TRAPPC12: variants seen among roughly 807,000 people sequenced by gnomAD.
TRAPPC12 encodes the protein TPR repeat protein 15.
Under a neutral mutation model 69.2 loss-of-function variants are expected in TRAPPC12, and 61 were observed. The ratio of observed to expected loss-of-function variants is 0.88; its 90% CI spans 0.72 to 1.09. TRAPPC12 has a LOEUF of 1.09. Among genes scored for constraint, TRAPPC12 ranks in the 50% least tolerant of loss-of-function variants. The pLI is 0.00. For synonymous variants in TRAPPC12, 469 were observed against 438.9 expected, an observed-to-expected ratio of 1.07 and a Z score of -0.86; for missense variants, 1,101 against 1,016.4, an observed-to-expected ratio of 1.08 and a Z score of -1.13.
At chr2:3,475,966 G>A (rs7591761) in intron 9 of TRAPPC12, among the ~76,000 whole-genome samples, 20,497 of 152,186 alleles carry the variant, frequency 0.13, 1,770 homozygotes, top group African/African-American at 0.25. Context: ...TGTCTCACAC[G>A]GTCCTGTTAG....
intron 9 of TRAPPC12, among the ~76,000 whole-genome samples, chr2:3,469,908 A>G (rs568636921): frequency 6.6e-6 from 1 of 152,362 alleles, no homozygotes; most frequent in Admixed American, 6.5e-5. Flanking sequence ...CGCGCGTGGA[A>G]TAAGATTGAT....
At chr2:3,450,487 C>G (rs1180214247) in intron 6 of TRAPPC12, among the ~76,000 whole-genome samples, 2 of 152,336 alleles carry the variant, frequency 1.3e-5, no homozygotes, top group African/African-American at 4.8e-5. Context: ...ATGACCAGCC[C>G]TCCAGCCTGT....
intron 6 of TRAPPC12, among the ~76,000 whole-genome samples, chr2:3,451,722 C>T (rs1301353286): frequency 1.3e-5 from 2 of 152,110 alleles, no homozygotes; most frequent in Non-Finnish European, 2.9e-5. Flanking sequence ...TAGGGTCTCA[C>T]TCTGTTGCCC....
intron 1 of TRAPPC12, among the ~76,000 whole-genome samples, chr2:3,385,073 A>T (rs929630090): frequency 2.0e-5 from 3 of 152,184 alleles, no homozygotes; most frequent in African/African-American, 7.2e-5. Flanking sequence ...TTCTCACAAA[A>T]TCTTATGTAT....
chr2:3,399,343 C>T (rs1010789447), intron 2 of TRAPPC12, among the ~76,000 whole-genome samples: 13 of 152,176 alleles, frequency 8.5e-5, no homozygotes, highest in African/African-American at 2.7e-4. Flanking sequence ...TTGTCTGAGA[C>T]GAGTTGCATT....
Position 3,424,439 on chromosome 2 carries a change from C to T in TRAPPC12, c.1279-86C>T, listed in dbSNP as rs550476565. The T allele has an allele frequency of 4.3e-4, 506 of 1,184,110 alleles. 1 individual carries two copies. The highest frequency in any genetic ancestry group is 1.4e-3 in the Admixed American group (60 of 41,618). The allele number at this position is 1,184,110 out of a possible 1,614,324, so 73.4% of individuals were successfully genotyped here. On this transcript the variant is annotated intron_variant, in intron 4 of 11. Coordinates refer to ENST00000324266, the MANE Select transcript of TRAPPC12 (RefSeq NM_016030.6). ...CTTATTTTAATATATGAGAAATTAACCTCTAACACCAACTCATAAGGAATA... is the reference window on the plus strand; with the variant it reads ...CTTATTTTAATATATGAGAAATTAATCTCTAACACCAACTCATAAGGAATA...
At chr2:3,444,434 G>A (rs895198618) in intron 6 of TRAPPC12, among the ~76,000 whole-genome samples, 10 of 152,240 alleles carry the variant, frequency 6.6e-5, no homozygotes, top group Non-Finnish European at 1.2e-4. Flanking sequence ...AAAGTGGCAC[G>A]TTATTACACT....
At chr2:3,425,128 G>C (rs1409473914) in intron 5 of TRAPPC12, among the ~76,000 whole-genome samples, 1 of 152,216 alleles carries the variant, frequency 6.6e-6, no homozygotes, top group African/African-American at 2.4e-5. Flanking sequence ...TTTGGGTCAC[G>C]GTCACGACCA....
chr2:3,464,916 G>A (rs1665722476), intron 8 of TRAPPC12, among the ~76,000 whole-genome samples: 2 of 152,268 alleles, frequency 1.3e-5, no homozygotes, highest in African/African-American at 4.8e-5. Flanking sequence ...GCAGGGCAGA[G>A]CGATGAGGAA....
chr2:3,404,062 G>T (rs1365107477), intron 3 of TRAPPC12, among the ~76,000 whole-genome samples: 1 of 152,112 alleles, frequency 6.6e-6, no homozygotes, highest in African/African-American at 2.4e-5. Flanking sequence ...GCTTTCCTGG[G>T]TTCAGTATGG....
chr2:3,401,178 AG>A (rs1409457468), intron 2 of TRAPPC12, among the ~76,000 whole-genome samples: 1 of 152,198 alleles, frequency 6.6e-6, no homozygotes, highest in Non-Finnish European at 1.5e-5. Flanking sequence ...CTGCTGTGAA[AG>A]GGGGTCTCAG....
At position 3,465,708 on chromosome 2, in the gene TRAPPC12, G is replaced by T. The variant is rs200542107; in HGVS notation, c.1776+13G>T. The T allele has an allele frequency of 1.3e-6, 2 of 1,596,420 alleles. No individual in the cohort carries two copies. Among genetic ancestry groups the T allele is most frequent in the Non-Finnish European group, 8.6e-7 (1 of 1,163,980 alleles). On this transcript the variant is annotated intron_variant, in intron 9 of 11. Transcript: ENST00000324266. ...GATTTCCCTGCAGGTACCTGTGCAC[G>T]GTCAGACATGAGCCAGAAAGGCCTT... is the stretch of plus-strand genomic sequence containing the variant.
chr2:3,446,885 C>A (rs1664538628), intron 6 of TRAPPC12, among the ~76,000 whole-genome samples: 1 of 152,192 alleles, frequency 6.6e-6, no homozygotes, highest in Admixed American at 6.5e-5. Flanking sequence ...CAGCCATCAC[C>A]AATACATCAT....
In TRAPPC12 at chr2:3,388,527, G is replaced by A. The variant is rs956986904; in HGVS notation, c.904G>A (p.Glu302Lys). 1.9e-6 allele frequency: 3 copies of A among 1,613,126 alleles called. No individual in the cohort carries two copies. Among genetic ancestry groups the A allele is most frequent in the East Asian group, 2.2e-5 (1 of 44,864 alleles). The change falls in exon 2 of 12, where the codon GAG (glutamate) becomes AAG (lysine). Residue 302 changes from glutamate to lysine, a missense_variant. Physicochemically the swap from Glu to Lys is moderately conservative, Grantham distance 56. Coordinates refer to ENST00000324266, the MANE Select transcript of TRAPPC12 (RefSeq NM_016030.6). ...CTTTGCCACCGCCCTGAGCATGAGC[G>A]AGATGGACCGGAGGAACGACGCCTG... ...DPFATALSMS[E>K]MDRRNDAWLP...
intron 5 of TRAPPC12, among the ~76,000 whole-genome samples, chr2:3,441,452 T>C (rs1664192930): frequency 6.6e-6 from 1 of 152,056 alleles, no homozygotes. Flanking sequence ...TCACTTCTAG[T>C]ACTAGTTGTT....
chr2:3,421,195 A>G (rs1662762637), intron 3 of TRAPPC12, among the ~76,000 whole-genome samples: 1 of 152,180 alleles, frequency 6.6e-6, no homozygotes, highest in Non-Finnish European at 1.5e-5. Context: ...TTTCCCATTC[A>G]TTTGCCTAAT....
In TRAPPC12 at chr2:3,388,240, T is replaced by C. The variant is rs749250005; in HGVS notation, c.617T>C (p.Leu206Pro). 11 of 1,608,658 alleles carry C rather than the reference T, an allele frequency of 6.8e-6. No homozygotes were observed. Among genetic ancestry groups the C allele is most frequent in the Non-Finnish European group, 4.2e-6 (5 of 1,177,776 alleles). Reference protein sequence around the residue: ...PPQVVQPSPSLSTFFGDTAAS... With the variant: ...PPQVVQPSPSPSTFFGDTAAS... ...CAGGTCGTGCAGCCCAGCCCCAGCC[T>C]CAGCACGTTCTTCGGAGACACGGCC... Residue 206 changes from leucine (L) to proline (P), a missense_variant, in exon 2 of 12, where the codon CTC becomes CCC. By Grantham distance (98) the Leu-to-Pro change is moderately conservative. Coordinates refer to ENST00000324266, the MANE Select transcript of TRAPPC12 (RefSeq NM_016030.6).
At chr2:3,444,223 A>C (rs902630131) in intron 6 of TRAPPC12, among the ~76,000 whole-genome samples, 6 of 152,222 alleles carry the variant, frequency 3.9e-5, no homozygotes, top group African/African-American at 1.4e-4. Flanking sequence ...CCTGTGTCCC[A>C]CAAGTGCCCA....
intron 5 of TRAPPC12, among the ~76,000 whole-genome samples, chr2:3,430,010 T>C (rs1663337337): frequency 6.6e-6 from 1 of 152,238 alleles, no homozygotes. Context: ...ACATATTTGC[T>C]TCATACACAC....
Sources: allele counts gnomAD v4.1 joint callset (sites outside exome capture counted in the v4.1 genomes callset), GRCh38; gene constraint gnomAD v4.1.1; transcripts MANE v1.5; gene names NCBI Gene and HGNC (gene_info 2026-07-23, HGNC 2026-07-21).